Variants in GTF2H5 observed in about 807,000 individuals in gnomAD.
GTF2H5 encodes TFB5 ortholog.
Under a neutral mutation model 7.1 loss-of-function variants are expected in GTF2H5, and 5 were observed. The ratio of observed to expected loss-of-function variants is 0.71; its 90% CI spans 0.37 to 1.49. GTF2H5 has a LOEUF of 1.49. Among genes scored for constraint, GTF2H5 ranks in the 40% most tolerant of loss-of-function variants. The probability of loss-of-function intolerance (pLI) is 0.03; values close to 1 mark genes in which losing one functional copy is unlikely to be tolerated. For synonymous variants in GTF2H5, 30 were observed against 31.7 expected (o/e 0.95, Z 0.18); for missense variants, 80 against 83.0 (o/e 0.96, Z 0.14).
At chr6:158,180,866 ATC>A (rs1380502981) in intron 2 of GTF2H5, among the ~76,000 whole-genome samples, 2 of 122,576 alleles carry the variant, frequency 1.6e-5, no homozygotes, top group Non-Finnish European at 3.3e-5. Flanking sequence ...TTTTGTCTCT[ATC>A]TCCTTCAGTT....
At chr6:158,173,839 T>A (rs1583629006) in intron 2 of GTF2H5, among the ~76,000 whole-genome samples, 1 of 152,324 alleles carries the variant, frequency 6.6e-6, no homozygotes, top group Middle Eastern at 3.4e-3. Flanking sequence ...CTGGCTATTT[T>A]ATGGCCATTT....
At chr6:158,175,873 A>G (rs916129341) in intron 2 of GTF2H5, among the ~76,000 whole-genome samples, 5 of 152,252 alleles carry the variant, frequency 3.3e-5, no homozygotes, top group Non-Finnish European at 4.4e-5. Flanking sequence ...ATCAAATAAT[A>G]TAGCTGTTAA....
rs1777155759 is a variant in GTF2H5 at position 158,199,092 on chromosome 6, T to G, written c.*6935T>G. ...TTTTAATTCTCTGTTTTAGGAATGCTTGTCAAATTCGTCACTAAAATTGAT... is the reference window on the plus strand; with the variant it reads ...TTTTAATTCTCTGTTTTAGGAATGCGTGTCAAATTCGTCACTAAAATTGAT... On this transcript the variant is annotated 3_prime_UTR_variant, in exon 3 of 3. Coordinates refer to ENST00000607778, the MANE Select transcript of GTF2H5 (RefSeq NM_207118.3). The G allele has an allele frequency of 6.6e-6, 1 of 152,228 alleles. No individual in the cohort carries two copies. Among genetic ancestry groups the G allele is most frequent in the South Asian group, 2.1e-4 (1 of 4,834 alleles). The allele number at this position is 152,228 out of a possible 1,614,324, so 9.4% of individuals were successfully genotyped here.
At chr6:158,180,072 CGAA>C (rs2128430298) in intron 2 of GTF2H5, among the ~76,000 whole-genome samples, 1 of 152,158 alleles carries the variant, frequency 6.6e-6, no homozygotes, top group South Asian at 2.1e-4. Context: ...TGAATTTTGT[CGAA>C]GGCCTTTTCT....
At chr6:158,183,877 C>T (rs1425050374) in intron 2 of GTF2H5, among the ~76,000 whole-genome samples, 2 of 152,236 alleles carry the variant, frequency 1.3e-5, no homozygotes, top group Admixed American at 6.5e-5. Context: ...CGACACCCTG[C>T]CCTGCTTCGG....
chr6:158,171,004 G>A (rs112195331), intron 2 of GTF2H5, among the ~76,000 whole-genome samples: 354 of 152,260 alleles, frequency 2.3e-3, no homozygotes, highest in Middle Eastern at 0.01. Flanking sequence ...CAGGAACCCC[G>A]GGAACCCTGC....
At position 158,195,008 on chromosome 6, in the gene GTF2H5, C is replaced by CA. The variant is rs1482674321; in HGVS notation, c.*2853dup. Reference sequence around the variant, plus strand: ...CCTGTAACCACTTAGCTGACATGTCCAACTATGGGTGAACAGGAAATAAGC... The same window carrying CA: ...CCTGTAACCACTTAGCTGACATGTCCAAACTATGGGTGAACAGGAAATAAGC... On this transcript the variant is annotated 3_prime_UTR_variant, in exon 3 of 3. Transcript: ENST00000607778. 1 of 152,096 alleles carries CA rather than the reference C, an allele frequency of 6.6e-6. No homozygotes were observed. The highest frequency in any genetic ancestry group is 1.5e-5 in the Non-Finnish European group (1 of 68,026). The allele number at this position is 152,096 out of a possible 1,614,324, so 9.4% of individuals were successfully genotyped here.
At chr6:158,175,246 A>G (rs982126174) in intron 2 of GTF2H5, among the ~76,000 whole-genome samples, 3 of 152,138 alleles carry the variant, frequency 2.0e-5, no homozygotes, top group African/African-American at 7.2e-5. Flanking sequence ...TTAAAGTTTT[A>G]GTTTGAAACA....
intron 1 of GTF2H5, among the ~76,000 whole-genome samples, chr6:158,169,681 A>ATATTGTATATTG (rs1258207628): frequency 0.035 from 1,838 of 52,462 alleles, 253 homozygotes; most frequent in African/African-American, 0.094. Flanking sequence ...ATTATATAAT[A>ATATTGTATATTG]TATAATATAT....
intron 2 of GTF2H5, among the ~76,000 whole-genome samples, chr6:158,186,671 G>A (rs181806280): frequency 5.3e-5 from 8 of 152,308 alleles, no homozygotes; most frequent in Non-Finnish European, 1.2e-4. Context: ...AGGTGTTCGG[G>A]CTACAGCTTG....
intron 1 of GTF2H5, among the ~76,000 whole-genome samples, chr6:158,169,713 T>C (rs1477923094): frequency 4.3e-5 from 3 of 69,774 alleles, no homozygotes; most frequent in African/African-American, 2.1e-4. Flanking sequence ...TATTGTATAT[T>C]ATATATTATA....
intron 2 of GTF2H5, among the ~76,000 whole-genome samples, chr6:158,178,613 A>AT (rs1280880114): frequency 1.3e-5 from 2 of 152,044 alleles, no homozygotes; most frequent in African/African-American, 4.8e-5. Context: ...GATGATGAGC[A>AT]TTTTTTTATA....
rs1777100123 is a variant in GTF2H5, at chr6:158,195,947, CTT to C, written c.*3795_*3796del. ...TCTATGGATGAGATTATTGGATAAA[CTT>C]TTTTAAAAACACTGTTCTCAAGATA... On this transcript the variant is annotated 3_prime_UTR_variant, in exon 3 of 3. Transcript: ENST00000607778. The C allele has an allele frequency of 1.3e-5, 2 of 152,090 alleles. No homozygotes were observed. The highest frequency in any genetic ancestry group is 4.1e-4 in the South Asian group (2 of 4,824). The allele number at this position is 152,090 out of a possible 1,614,324, so 9.4% of individuals were successfully genotyped here. A position where few individuals can be genotyped will look rare whatever the true frequency, so the allele number is the denominator to read the frequency against.
chr6:158,169,414 T>C (rs112989517), intron 1 of GTF2H5, among the ~76,000 whole-genome samples: 3 of 90,776 alleles, frequency 3.3e-5, no homozygotes, highest in African/African-American at 4.8e-5. Flanking sequence ...GTATATTATA[T>C]ATTATATATA....
chr6:158,197,549 A>G lies in GTF2H5; in HGVS notation c.*5392A>G, dbSNP rs913822772. On this transcript the variant is annotated 3_prime_UTR_variant, in exon 3 of 3. Transcript: ENST00000607778. ...AGCAGATTGATCAAGAGCAAAGGTCATGGTAACAGTTTTTTGGATCCTCAA... is the reference window on the plus strand; with the variant it reads ...AGCAGATTGATCAAGAGCAAAGGTCGTGGTAACAGTTTTTTGGATCCTCAA... 4 of 152,220 alleles carry G rather than the reference A, an allele frequency of 2.6e-5. No individual in the cohort carries two copies. The highest frequency in any genetic ancestry group is 2.1e-4 in the South Asian group (1 of 4,828). The allele number at this position is 152,220 out of a possible 1,614,324, so 9.4% of individuals were successfully genotyped here. A position where few individuals can be genotyped will look rare whatever the true frequency, so the allele number is the denominator to read the frequency against.
rs184759392 is a variant in GTF2H5, at chr6:158,169,707, G to A, written c.-34-763G>A. On this transcript the variant is annotated intron_variant, in intron 1 of 2. Coordinates refer to ENST00000607778, the MANE Select transcript of GTF2H5 (RefSeq NM_207118.3). The stretch of plus-strand genomic sequence containing the variant: ...TATAATATATATTATATAATATATT[G>A]TATATTATATATTATATAATATATT... 1.6e-4 allele frequency among the ~76,000 whole-genome samples: 7 copies of A among 43,584 alleles called. 1 individual carries two copies. Among genetic ancestry groups the A allele is most frequent in the African/African-American group, 4.9e-4 (5 of 10,114 alleles). The allele number at this position is 43,584 out of a possible 152,430, so 28.6% of individuals were successfully genotyped here.
chr6:158,169,654 CATATA>C (rs1358044467), intron 1 of GTF2H5, among the ~76,000 whole-genome samples: 4 of 40,102 alleles, frequency 1.0e-4, no homozygotes, highest in East Asian at 1.2e-3. Flanking sequence ...TTGTATATTA[CATATA>C]ATATATTGTA....
Position 158,194,718 on chromosome 6 carries a change from T to C in GTF2H5, c.*2561T>C, listed in dbSNP as rs930484641. The stretch of plus-strand genomic sequence containing the variant: ...ATGTCCTGTAAATGAAGGAACCAAA[T>C]GGAGTTCCTCCGGCTTTCTCAGCTA... On this transcript the variant is annotated 3_prime_UTR_variant, in exon 3 of 3. Coordinates refer to ENST00000607778, the MANE Select transcript of GTF2H5 (RefSeq NM_207118.3). 1.3e-5 allele frequency: 2 copies of C among 152,194 alleles called. No homozygotes were observed. The highest frequency in any genetic ancestry group is 4.8e-5 in the African/African-American group (2 of 41,438). 9.4% of individuals were successfully genotyped at this position (152,194 alleles called of 1,614,324 possible). A position where few individuals can be genotyped will look rare whatever the true frequency, so the allele number is the denominator to read the frequency against.
At chr6:158,180,972 G>A (rs538614605) in intron 2 of GTF2H5, among the ~76,000 whole-genome samples, 6 of 151,760 alleles carry the variant, frequency 4.0e-5, no homozygotes, top group African/African-American at 1.4e-4. Context: ...TTAGGGTGTC[G>A]ATTTTAGATC....
Sources: allele counts gnomAD v4.1 joint callset (sites outside exome capture counted in the v4.1 genomes callset), GRCh38; gene constraint gnomAD v4.1.1; transcripts MANE v1.5; gene names NCBI Gene and HGNC (gene_info 2026-07-23, HGNC 2026-07-21).